The following ECPAS variants were observed in gnomAD, a reference collection of about 807,000 sequenced individuals.
ECPAS encodes the protein proteasome adapter and scaffold protein ECM29.
In ECPAS, 70 loss-of-function variants were observed where a neutral mutation model predicts 255.1. That is an observed-to-expected ratio of 0.27 (90% confidence interval 0.23 to 0.33). The LOEUF (loss-of-function observed/expected upper bound fraction) is 0.33. Ranked by LOEUF, ECPAS falls within the 10% of genes least tolerant of loss-of-function variation. The pLI, the probability that ECPAS is intolerant of heterozygous loss-of-function variation, is 1.00. For synonymous variants in ECPAS, 784 were observed against 775.0 expected, an observed-to-expected ratio of 1.01 and a Z score of -0.19; for missense variants, 1,817 against 2,206.4, an observed-to-expected ratio of 0.82 and a Z score of 3.54.
At chr9:111,405,410 A>C (rs1048013645) in intron 24 of ECPAS, among the ~76,000 whole-genome samples, 1 of 149,734 alleles carries the variant, frequency 6.7e-6, no homozygotes, top group Non-Finnish European at 1.5e-5. Flanking sequence ...TCAAACCAAA[A>C]TGGACTTAAA....
intron 12 of ECPAS, 91 bp downstream of exon 12, chr9:111,425,327 T>C: frequency 3.6e-6 from 3 of 825,650 alleles, no homozygotes; most frequent in Non-Finnish European, 5.4e-6. Context: ...TTTAACAAAC[T>C]TTTAACTAAC....
Position 111,366,241 on chromosome 9 carries a change from A to G in ECPAS, c.5306T>C (p.Leu1769Ser), listed in dbSNP as rs1194866823. The change falls in exon 48 of 50, where the codon TTA becomes TCA. Residue 1769 changes from leucine (L) to serine (S), a missense_variant and splice_region_variant. Leu to Ser is a moderately radical substitution (Grantham distance 145). Coordinates refer to ENST00000684092, the MANE Select transcript of ECPAS (RefSeq NM_001364929.1). ...LETCKSITYSLENKTYSSVRT... is the reference protein window; with the variant it reads ...LETCKSITYSSENKTYSSVRT... ...CAGTTTTAGTTTACTACACTCACCT[A>G]AAGAATATGTGATTGATTTACAAGT... The G allele has an allele frequency of 6.4e-7, 1 of 1,559,514 alleles. No individual in the cohort carries two copies.
intron 27 of ECPAS, among the ~76,000 whole-genome samples, chr9:111,393,278 G>A (rs975263361): frequency 6.6e-6 from 1 of 152,158 alleles, no homozygotes; most frequent in African/African-American, 2.4e-5. Context: ...TTTAAAACAA[G>A]TTATAAAACA....
chr9:111,443,353 T>C lies in ECPAS; in HGVS notation c.271-929A>G, dbSNP rs1038813475. Among the ~76,000 whole-genome samples, 5 of 152,136 alleles carry C rather than the reference T, an allele frequency of 3.3e-5. No homozygotes were observed. In the East Asian group the frequency reaches 9.6e-4, roughly 29 times the overall value. On this transcript the variant is annotated intron_variant, in intron 4 of 49. Transcript: ENST00000684092. ...GCAACCTCCACCTCTGAGGTTCAAG[T>C]GATTCCCCTGCCTCAGTCTCCCAAG...
chr9:111,365,207 T>C (rs998833830), intron 48 of ECPAS, among the ~76,000 whole-genome samples: 6 of 151,078 alleles, frequency 4.0e-5, no homozygotes, highest in Non-Finnish European at 8.9e-5. Context: ...GAAGGCAGAG[T>C]TGCAGTGAGC....
chr9:111,477,679 A>T (rs2098298132), intron 1 of ECPAS, among the ~76,000 whole-genome samples: 1 of 152,164 alleles, frequency 6.6e-6, no homozygotes, highest in African/African-American at 2.4e-5. Context: ...GGGTAGCTCT[A>T]CCCCTGAGAC....
At chr9:111,426,851 C>T (rs1349492147) in intron 10 of ECPAS, among the ~76,000 whole-genome samples, 1 of 151,920 alleles carries the variant, frequency 6.6e-6, no homozygotes, top group Non-Finnish European at 1.5e-5. Flanking sequence ...GCCTGTAGTC[C>T]CAGCTACTTG....
intron 35 of ECPAS, among the ~76,000 whole-genome samples, chr9:111,381,291 G>A (rs1054735821): frequency 1.3e-5 from 2 of 152,132 alleles, no homozygotes; most frequent in South Asian, 4.1e-4. Flanking sequence ...TTGAGAAGAG[G>A]GAGAGAGATG....
At chr9:111,478,159 C>T (rs1442959570) in intron 1 of ECPAS, among the ~76,000 whole-genome samples, 1 of 151,758 alleles carries the variant, frequency 6.6e-6, no homozygotes, top group African/African-American at 2.4e-5. Flanking sequence ...CCTCGACCTC[C>T]CAAAGCGCTG....
At position 111,417,991 on chromosome 9, in the gene ECPAS, A is replaced by T; in HGVS notation, c.1575T>A (p.His525Gln). 1 of 1,600,494 alleles carries T rather than the reference A, an allele frequency of 6.2e-7. No individual in the cohort carries two copies. Among genetic ancestry groups the T allele is most frequent in the Non-Finnish European group, 8.5e-7 (1 of 1,175,054 alleles). ...ACCTTAATACGCGTTGTGCTTCTCC[A>T]TGAACTTCTTCACGTCTTTCAGAAA... ...LAAGDPREEV[H>Q]GEAQRVLRCL... Residue 525 changes from histidine (H) to glutamine (Q), a missense_variant, in exon 17 of 50, where the codon CAT (histidine) becomes CAA (glutamine). Around this residue, in one of 4 missense-constraint regions of ECPAS, gnomAD observed 573 missense variants for 716.2 expected, o/e 0.80. Coordinates refer to ENST00000684092, the MANE Select transcript of ECPAS (RefSeq NM_001364929.1).
intron 23 of ECPAS, 45 bp from the exon 24 acceptor site, chr9:111,408,717 A>ACTCT: frequency 8.3e-7 from 1 of 1,200,222 alleles, no homozygotes; most frequent in Non-Finnish European, 1.2e-6. Flanking sequence ...AGTATATAAT[A>ACTCT]GCTTTACCCC....
At chr9:111,407,324 C>A (rs1396446534) in intron 24 of ECPAS, among the ~76,000 whole-genome samples, 1 of 134,082 alleles carries the variant, frequency 7.5e-6, no homozygotes, top group Non-Finnish European at 1.5e-5. Flanking sequence ...ATCGCTTGAA[C>A]CCGGGAGGTG....
Position 111,389,852 on chromosome 9 carries a change from T to G in ECPAS, c.3280-129A>C. Reference sequence around the variant, plus strand: ...ATTGGTCTTTCCAATCAACAGCATTTGTGGGGTTCAGCTTTCTCATCAGGC... The same window carrying G: ...ATTGGTCTTTCCAATCAACAGCATTGGTGGGGTTCAGCTTTCTCATCAGGC... On this transcript the variant is annotated intron_variant, in intron 30 of 49. Transcript: ENST00000684092. 4 of 1,182,118 alleles carry G rather than the reference T, an allele frequency of 3.4e-6. No homozygotes were observed. The South Asian group carries it at 6.1e-5, about 18-fold the overall frequency. 73.2% of individuals were successfully genotyped at this position (1,182,118 alleles called of 1,614,324 possible).
At chr9:111,439,729 C>T (rs1007170886) in intron 6 of ECPAS, among the ~76,000 whole-genome samples, 2 of 151,816 alleles carry the variant, frequency 1.3e-5, no homozygotes, top group African/African-American at 4.8e-5. Flanking sequence ...TATGAGAAAC[C>T]AAGGATTTTA....
At chr9:111,451,668 T>C in intron 2 of ECPAS, 113 bp from the exon 3 acceptor site, 1 of 940,286 alleles carries the variant, frequency 1.1e-6, no homozygotes, top group Non-Finnish European at 1.5e-6. Context: ...GTCAGGACTT[T>C]AACCACAGCT....
chr9:111,371,662 C>T lies in ECPAS; in HGVS notation c.4696G>A (p.Ala1566Thr), dbSNP rs768712662. ...CTTCCAGCCAGGCCTTGCAGCAATG[C>T]GGTCAGTATCATTCCGAGATATGGA... ...VPPYLGMILT[A>T]LLQGLAGRTW... is the part of the protein sequence containing the mutation. The change falls in exon 43 of 50, where the codon GCA becomes ACA. Residue 1566 changes from alanine (A) to threonine (T), a missense_variant. Physicochemically the swap from Ala to Thr is moderately conservative, Grantham distance 58. Coordinates refer to ENST00000684092, the MANE Select transcript of ECPAS (RefSeq NM_001364929.1). 31 of 1,613,692 alleles carry T rather than the reference C, an allele frequency of 1.9e-5. No individual in the cohort carries two copies. Among genetic ancestry groups the T allele is most frequent in the East Asian group, 1.6e-4 (7 of 44,894 alleles).
intron 2 of ECPAS, among the ~76,000 whole-genome samples, chr9:111,469,808 C>CA (rs1221610578): frequency 5.7e-4 from 72 of 127,054 alleles, no homozygotes; most frequent in East Asian, 1.4e-3. Flanking sequence ...GACTCTGTCT[C>CA]AAAAAAAAAA....
chr9:111,362,457 T>C (rs895434263), intron 49 of ECPAS, among the ~76,000 whole-genome samples: 1 of 151,630 alleles, frequency 6.6e-6, no homozygotes, highest in East Asian at 1.9e-4. Context: ...CACTGAAGCA[T>C]AGTAGGAAGA....
rs1172525670 is a variant in ECPAS at position 111,414,598 on chromosome 9, G to A, written c.1818C>T (p.Thr606=). ...CLAHSAGVVP[T]SQSLADMQDH... is the part of the protein sequence containing the mutation. ...CCTGCATATCAGCCAAACTCTGAGA[G>A]GTGGGCACCACCCCCGCACTGTGCG... The change falls in exon 19 of 50, where the codon ACC becomes ACT. Residue 606 remains threonine, a synonymous_variant. Coordinates refer to ENST00000684092, the MANE Select transcript of ECPAS (RefSeq NM_001364929.1). The A allele has an allele frequency of 3.7e-6, 6 of 1,613,952 alleles. No homozygotes were observed. The highest frequency in any genetic ancestry group is 1.1e-5 in the South Asian group (1 of 91,082).
Sources: allele counts gnomAD v4.1 joint callset (sites outside exome capture counted in the v4.1 genomes callset), GRCh38; gene constraint gnomAD v4.1.1; regional missense constraint gnomAD v4.1.1; transcripts MANE v1.5; gene names NCBI Gene and HGNC (gene_info 2026-07-23, HGNC 2026-07-21).